Variants in ARFGEF1 observed in about 807,000 individuals in gnomAD.
ARFGEF1 encodes ARF guanine nucleotide exchange factor 1.
In ARFGEF1, 42 loss-of-function variants were observed where a neutral mutation model predicts 231.0. That is an observed-to-expected ratio of 0.18 (90% CI 0.14 to 0.24). ARFGEF1 has a LOEUF of 0.24. Among genes scored for constraint, ARFGEF1 ranks in the 10% least tolerant of loss-of-function variants. ARFGEF1 has a pLI of 1.00. For synonymous variants in ARFGEF1, 710 were observed against 732.3 expected, an observed-to-expected ratio of 0.97 and a Z score of 0.49; for missense variants, 1,345 against 2,192.0, an observed-to-expected ratio of 0.61 and a Z score of 7.72.
rs763241729 is a variant in ARFGEF1 at position 67,228,076 on chromosome 8, G to T, written c.3478C>A (p.His1160Asn). ...TTTTGTAGACTAAACATTCTTGGGT[G>T]TGTCGTGGAAAGTAATTCATCCATA... ...VSMDELLSTT[H>N]PRMFSLQKIV... The change falls in exon 25 of 39, where the codon CAC becomes AAC. Residue 1160 changes from histidine to asparagine, a missense_variant. This residue lies in a region of ARFGEF1 where 146 missense variants were observed against 321.4 expected (regional missense o/e 0.45). Transcript: ENST00000262215. 6.2e-7 allele frequency: 1 copy of T among 1,610,004 alleles called. No homozygotes were observed. Among genetic ancestry groups the T allele is most frequent in the Non-Finnish European group, 8.5e-7 (1 of 1,178,640 alleles).
At chr8:67,257,628 GT>G in intron 17 of ARFGEF1, 103 bp downstream of exon 17, 1 of 940,260 alleles carries the variant, frequency 1.1e-6, no homozygotes, top group Non-Finnish European at 1.7e-6. Context: ...ATGGTGACTG[GT>G]TTAACTGAAT....
At chr8:67,328,832 C>A (rs1436515386) in intron 1 of ARFGEF1, among the ~76,000 whole-genome samples, 1 of 152,030 alleles carries the variant, frequency 6.6e-6, no homozygotes, top group African/African-American at 2.4e-5. Context: ...GACAGAGATT[C>A]TGAGGGTTTG....
intron 1 of ARFGEF1, among the ~76,000 whole-genome samples, chr8:67,319,116 C>T (rs1807460312): frequency 6.6e-6 from 1 of 152,144 alleles, no homozygotes; most frequent in South Asian, 2.1e-4. Context: ...ATATCAAGTT[C>T]ATTGACTGAA....
chr8:67,236,281 G>A (rs1461608173), intron 22 of ARFGEF1, among the ~76,000 whole-genome samples: 2 of 122,528 alleles, frequency 1.6e-5, no homozygotes, highest in Non-Finnish European at 3.2e-5. Flanking sequence ...TCGCACCACC[G>A]CACTCCAGCC....
intron 2 of ARFGEF1, among the ~76,000 whole-genome samples, chr8:67,301,976 G>A (rs1450618029): frequency 6.6e-6 from 1 of 152,118 alleles, no homozygotes; most frequent in Non-Finnish European, 1.5e-5. Flanking sequence ...GGAAGCCGAG[G>A]TGCGTGGGTC....
chr8:67,317,650 C>A (rs190789840), intron 1 of ARFGEF1, among the ~76,000 whole-genome samples: 34 of 150,896 alleles, frequency 2.3e-4, no homozygotes, highest in African/African-American at 8.3e-4. Flanking sequence ...GTGGCTTACA[C>A]CTGTAATCCC....
At chr8:67,270,650 C>G (rs184095485) in intron 10 of ARFGEF1, among the ~76,000 whole-genome samples, 2 of 134,832 alleles carry the variant, frequency 1.5e-5, no homozygotes, top group Admixed American at 1.5e-4. Flanking sequence ...ATTGGTAAAA[C>G]ATAAAGTACT....
At chr8:67,234,045 T>C (rs1342496612) in intron 22 of ARFGEF1, among the ~76,000 whole-genome samples, 1 of 152,152 alleles carries the variant, frequency 6.6e-6, no homozygotes, top group Non-Finnish European at 1.5e-5. Flanking sequence ...CAAGTAATAT[T>C]CATTTTTGTA....
intron 19 of ARFGEF1, among the ~76,000 whole-genome samples, chr8:67,245,879 C>T (rs1252547813): frequency 2.0e-5 from 3 of 149,994 alleles, no homozygotes; most frequent in African/African-American, 7.5e-5. Flanking sequence ...TGATACAAAC[C>T]GACTGAAAAT....
chr8:67,307,366 G>A (rs919426842), intron 1 of ARFGEF1, among the ~76,000 whole-genome samples: 1 of 152,206 alleles, frequency 6.6e-6, no homozygotes, highest in South Asian at 2.1e-4. Flanking sequence ...CAAAACAAAA[G>A]TTCAGTATTT....
intron 1 of ARFGEF1, among the ~76,000 whole-genome samples, chr8:67,308,991 G>A (rs1390859934): frequency 6.6e-6 from 1 of 152,044 alleles, no homozygotes; most frequent in Non-Finnish European, 1.5e-5. Flanking sequence ...AAGATATGGA[G>A]GCAACCTAGG....
chr8:67,310,656 G>A (rs1165281099), intron 1 of ARFGEF1, among the ~76,000 whole-genome samples: 5 of 151,198 alleles, frequency 3.3e-5, no homozygotes, highest in East Asian at 2.0e-4. Context: ...AGTGAGGAGC[G>A]TCTCTGCCCG....
chr8:67,343,602 G>A lies in ARFGEF1; in HGVS notation c.-315C>T. ...CACTCGTCCCTCCGGCCCTGGTGGC[G>A]GTGAGGGAGCCCGGCCCGGGCGGCT... is the stretch of plus-strand genomic sequence containing the variant. On this transcript the variant is annotated 5_prime_UTR_variant, in exon 1 of 39. Coordinates refer to ENST00000262215, the MANE Select transcript of ARFGEF1 (RefSeq NM_006421.5). 9.5e-7 allele frequency: 1 copy of A among 1,057,176 alleles called. No homozygotes were observed. The highest frequency in any genetic ancestry group is 3.9e-5 in the South Asian group (1 of 25,514). 65.5% of individuals were successfully genotyped at this position (1,057,176 alleles called of 1,614,324 possible).
downstream of ARFGEF1, among the ~76,000 whole-genome samples, chr8:67,194,699 A>G (rs866347184): frequency 1.3e-5 from 2 of 151,824 alleles, no homozygotes; most frequent in Non-Finnish European, 2.9e-5. Flanking sequence ...AAAAAAAAAA[A>G]AAGAATATGA....
At chr8:67,310,680 T>C (rs925105158) in intron 1 of ARFGEF1, among the ~76,000 whole-genome samples, 1 of 144,568 alleles carries the variant, frequency 6.9e-6, no homozygotes, top group East Asian at 2.1e-4. Context: ...GCCCATCGTC[T>C]GAGATGTGGG....
intron 1 of ARFGEF1, among the ~76,000 whole-genome samples, chr8:67,338,117 GCC>G (rs1808432227): frequency 6.6e-6 from 1 of 152,030 alleles, no homozygotes; most frequent in African/African-American, 2.4e-5. Context: ...TGAGTTACCT[GCC>G]CCTAGATGGG....
intron 20 of ARFGEF1, 137 bp from the exon 21 acceptor site, chr8:67,239,030 A>G (rs1418803854): frequency 5.8e-6 from 4 of 693,334 alleles, no homozygotes; most frequent in African/African-American, 1.8e-5. Flanking sequence ...TTTTTGAGAC[A>G]GAGTCTCACC....
intron 5 of ARFGEF1, among the ~76,000 whole-genome samples, chr8:67,187,319 T>A (rs1834954044): frequency 6.6e-6 from 1 of 152,148 alleles, no homozygotes; most frequent in South Asian, 2.1e-4. Context: ...AGAGTTATGA[T>A]AAAGTTATAA....
chr8:67,241,793 A>G lies in ARFGEF1; in HGVS notation c.2851-1503T>C, dbSNP rs577321274. On this transcript the variant is annotated intron_variant, in intron 19 of 38. Coordinates refer to ENST00000262215, the MANE Select transcript of ARFGEF1 (RefSeq NM_006421.5). ...CAGTAGCTGGTTTTAACTTGATATC[A>G]CTGAAAGGGACATTGAAGGGGTAGG... is the stretch of plus-strand genomic sequence containing the variant. Among the ~76,000 whole-genome samples, 37 of 152,202 alleles carry G rather than the reference A, an allele frequency of 2.4e-4. No homozygotes were observed. The South Asian group carries it at 7.5e-3, about 31-fold the overall frequency.
Sources: gnomAD v4.1 joint callset for allele counts (sites outside exome capture counted in the v4.1 genomes callset) on GRCh38, gnomAD v4.1.1 for gene constraint, gnomAD v4.1.1 regional missense constraint, MANE v1.5 for transcripts, NCBI Gene and HGNC (gene_info 2026-07-23, HGNC 2026-07-21) for gene names.